MSI2: variants seen among roughly 807,000 people sequenced by gnomAD.
MSI2 encodes the protein musashi RNA binding protein 2, also known as RNA-binding protein Musashi homolog 2.
A neutral mutation model predicts 45.6 loss-of-function variants in MSI2; 17 were observed. That is an observed-to-expected ratio of 0.37 (90% CI 0.26 to 0.56). The LOEUF is 0.56. Among genes scored for constraint, MSI2 ranks in the 20% least tolerant of loss-of-function variants. MSI2 has a pLI of 0.77. For missense variants in MSI2, 293 were observed against 444.2 expected, an observed-to-expected ratio of 0.66 and a Z score of 3.06; for synonymous variants, 156 against 158.2, an observed-to-expected ratio of 0.99 and a Z score of 0.11.
chr17:57,474,572 G>C (rs2085502010), intron 6 of MSI2, among the ~76,000 whole-genome samples: 1 of 152,094 alleles, frequency 6.6e-6, no homozygotes, highest in South Asian at 2.1e-4. Flanking sequence ...CATTGCCAAG[G>C]TCCCCTGGAA....
intron 6 of MSI2, among the ~76,000 whole-genome samples, chr17:57,480,864 T>G (rs1258242129): frequency 6.6e-6 from 1 of 152,192 alleles, no homozygotes; most frequent in Non-Finnish European, 1.5e-5. Context: ...GACAAGAAGG[T>G]GACTTTAGCC....
At chr17:57,440,994 C>T (rs986190614) in intron 6 of MSI2, among the ~76,000 whole-genome samples, 1 of 152,224 alleles carries the variant, frequency 6.6e-6, no homozygotes, top group Non-Finnish European at 1.5e-5. Flanking sequence ...CCAGCTTGCT[C>T]CTGTCAACAC....
At chr17:57,465,935 G>A (rs1372117584) in intron 6 of MSI2, among the ~76,000 whole-genome samples, 1 of 152,212 alleles carries the variant, frequency 6.6e-6, no homozygotes, top group Admixed American at 6.5e-5. Context: ...ATGCTTTCAT[G>A]GCTTTGGAAT....
intron 7 of MSI2, among the ~76,000 whole-genome samples, chr17:57,570,169 C>T (rs985293840): frequency 5.9e-5 from 9 of 152,274 alleles, no homozygotes; most frequent in African/African-American, 1.2e-4. Flanking sequence ...AATTTATATA[C>T]GCTGTGAATC....
intron 7 of MSI2, among the ~76,000 whole-genome samples, chr17:57,560,250 G>A (rs535581632): frequency 6.6e-6 from 1 of 152,152 alleles, no homozygotes; most frequent in Non-Finnish European, 1.5e-5. Context: ...CAGTCTCTGC[G>A]GGGAAGTTTT....
intron 5 of MSI2, among the ~76,000 whole-genome samples, chr17:57,324,991 T>C (rs1913668938): frequency 6.6e-6 from 1 of 152,212 alleles, no homozygotes; most frequent in Non-Finnish European, 1.5e-5. Context: ...ATCACCACTT[T>C]GTCATTTGGT....
At chr17:57,579,461 T>C (rs2088142748) in intron 7 of MSI2, among the ~76,000 whole-genome samples, 1 of 152,196 alleles carries the variant, frequency 6.6e-6, no homozygotes, top group Non-Finnish European at 1.5e-5. Flanking sequence ...TGTGGCCTGC[T>C]CTGAGTGGCA....
chr17:57,479,355 T>C (rs1285092371), intron 6 of MSI2, among the ~76,000 whole-genome samples: 1 of 152,138 alleles, frequency 6.6e-6, no homozygotes, highest in Non-Finnish European at 1.5e-5. Context: ...GGAGCATAGG[T>C]TCCTTCTTAT....
chr17:57,359,745 C>T (rs1157784934), intron 5 of MSI2, among the ~76,000 whole-genome samples: 1 of 152,210 alleles, frequency 6.6e-6, no homozygotes, highest in Non-Finnish European at 1.5e-5. Flanking sequence ...CTGTCGAGCC[C>T]TTGGTGACCC....
At chr17:57,699,032 AGAGAGAGAGAGAGT>A in the MSI2 span, among the ~76,000 whole-genome samples, 2 of 118,194 alleles carry the variant, frequency 1.7e-5, no homozygotes, top group Non-Finnish European at 3.4e-5. Context: ...AGAGAGAGAG[AGAGAGAGAGAGAGT>A]GTGTGTGTGT....
intron 7 of MSI2, among the ~76,000 whole-genome samples, chr17:57,544,946 T>G (rs780595844): frequency 6.6e-6 from 1 of 152,246 alleles, no homozygotes; most frequent in Non-Finnish European, 1.5e-5. Flanking sequence ...TTATGATGAT[T>G]TACTGTGCTG....
In MSI2 at chr17:57,673,509, C is replaced by T. The variant is rs550886868; in HGVS notation, c.791-1463C>T. The stretch of plus-strand genomic sequence containing the variant: ...GTCTGGTTCTTTAAGACGGGTTAGC[C>T]GTAGCCCAAAGGTAGCCAGCCCAGA... On this transcript the variant is annotated intron_variant, in intron 11 of 13. Coordinates refer to ENST00000284073, the MANE Select transcript of MSI2 (RefSeq NM_138962.4). Among the ~76,000 whole-genome samples, 12 of 152,260 alleles carry T rather than the reference C, an allele frequency of 7.9e-5. 1 individual carries two copies. In the East Asian group the frequency reaches 9.6e-4, roughly 12 times the overall value.
intron 4 of MSI2, among the ~76,000 whole-genome samples, chr17:57,261,924 C>A (rs1907344749): frequency 6.6e-6 from 1 of 152,120 alleles, no homozygotes; most frequent in Admixed American, 6.5e-5. Context: ...CACTGAAATG[C>A]ATGGTGGGTC....
chr17:57,459,207 T>C (rs1359060985), intron 6 of MSI2, among the ~76,000 whole-genome samples: 1 of 152,220 alleles, frequency 6.6e-6, no homozygotes, highest in African/African-American at 2.4e-5. Flanking sequence ...CCTCATGACA[T>C]GGTAATGACT....
chr17:57,360,714 A>G (rs568350344), intron 5 of MSI2, among the ~76,000 whole-genome samples: 1 of 152,370 alleles, frequency 6.6e-6, no homozygotes, highest in East Asian at 1.9e-4. Context: ...CAGAAGAGAA[A>G]TTTTTAGAAT....
chr17:57,256,957 C>T, intron 1 of MSI2, 141 bp from the exon 2 acceptor site: 3 of 1,265,202 alleles, frequency 2.4e-6, no homozygotes, highest in South Asian at 1.3e-5. Context: ...GATTGCATTT[C>T]GCCGTCACCT....
chr17:57,406,864 T>G (rs956105151), intron 6 of MSI2: 1 of 152,258 alleles, frequency 6.6e-6, no homozygotes, highest in Non-Finnish European at 1.5e-5. Context: ...GCTGCTCTGG[T>G]TCCCATGTCC....
chr17:57,335,339 C>T (rs1157084254), intron 5 of MSI2, among the ~76,000 whole-genome samples: 2 of 152,220 alleles, frequency 1.3e-5, no homozygotes, highest in Admixed American at 1.3e-4. Context: ...GAGCTGACCC[C>T]CACCTGCCTT....
intron 5 of MSI2, among the ~76,000 whole-genome samples, chr17:57,309,496 G>A (rs1323417676): frequency 6.6e-6 from 1 of 152,204 alleles, no homozygotes; most frequent in African/African-American, 2.4e-5. Context: ...GGGGAAACGT[G>A]TGTAATAAAA....
Sources: allele counts gnomAD v4.1 joint callset (sites outside exome capture counted in the v4.1 genomes callset), GRCh38; gene constraint gnomAD v4.1.1; transcripts MANE v1.5; gene names NCBI Gene and HGNC (gene_info 2026-07-23, HGNC 2026-07-21).